Variants in UGT1A8 observed in about 807,000 individuals in gnomAD.
UGT1A8 encodes the protein UDP-glucuronosyltransferase 1A8.
A neutral mutation model predicts 45.3 loss-of-function variants in UGT1A8; 39 were observed. That is an observed-to-expected ratio of 0.86 (90% CI 0.67 to 1.12). The LOEUF (loss-of-function observed/expected upper bound fraction) is 1.12. UGT1A8 is among the 50% of genes most tolerant of loss of function. The pLI is 0.00. For synonymous variants in UGT1A8, 275 were observed against 249.2 expected (o/e 1.10, Z -0.97); for missense variants, 719 against 664.9 (o/e 1.08, Z -0.90).
chr2:233,772,478 T>C lies in UGT1A8; in HGVS notation c.1512T>C (p.Phe504=). ...AVVLTVAFIT[F]KCCAYGYRKC... Reference sequence around the variant, plus strand: ...TGCTGACAGTGGCCTTCATCACCTTTAAATGTTGTGCTTATGGCTACCGGA... The same window carrying C: ...TGCTGACAGTGGCCTTCATCACCTTCAAATGTTGTGCTTATGGCTACCGGA... The change falls in exon 5 of 5, where the codon TTT becomes TTC. Residue 504 remains phenylalanine (F), a synonymous_variant. Transcript: ENST00000373450. 1 of 1,614,184 alleles carries C rather than the reference T, an allele frequency of 6.2e-7. No homozygotes were observed. Among genetic ancestry groups the C allele is most frequent in the South Asian group, 1.1e-5 (1 of 91,086 alleles).
At chr2:233,623,438 C>T (rs933739603) in intron 1 of UGT1A8, among the ~76,000 whole-genome samples, 11 of 152,142 alleles carry the variant, frequency 7.2e-5, no homozygotes, top group Non-Finnish European at 8.8e-5. Context: ...AAGAGGTCTT[C>T]GCATCCTTTG....
chr2:233,672,116 A>T, intron 1 of UGT1A8: 4 of 1,614,192 alleles, frequency 2.5e-6, no homozygotes, highest in Non-Finnish European at 3.4e-6. Context: ...GTCATGCCAG[A>T]GGTGAGTTGG....
intron 1 of UGT1A8, among the ~76,000 whole-genome samples, chr2:233,715,670 G>A (rs1428393419): frequency 6.6e-6 from 1 of 152,106 alleles, no homozygotes; most frequent in Non-Finnish European, 1.5e-5. Flanking sequence ...TACTCGGGAG[G>A]CTGAGGCAGG....
At chr2:233,680,013 C>CTCTCTCTCTCTTTTTTCTTTT (rs2074471108) in intron 1 of UGT1A8, among the ~76,000 whole-genome samples, 1 of 152,020 alleles carries the variant, frequency 6.6e-6, no homozygotes, top group Non-Finnish European at 1.5e-5. Flanking sequence ...TTCTTTCTTT[C>CTCTCTCTCTCTTTTTTCTTTT]TCTCTCTCTC....
chr2:233,671,129 A>T (rs1162405526), intron 1 of UGT1A8, among the ~76,000 whole-genome samples: 1 of 152,336 alleles, frequency 6.6e-6, no homozygotes, highest in East Asian at 1.9e-4. Flanking sequence ...ACTGAGAGAG[A>T]CAAGTACATA....
intron 1 of UGT1A8, among the ~76,000 whole-genome samples, chr2:233,749,634 C>A (rs1417032704): frequency 6.6e-6 from 1 of 151,820 alleles, no homozygotes; most frequent in East Asian, 1.9e-4. Context: ...GTATCCCCCA[C>A]CAAATCTCAT....
chr2:233,645,273 A>C lies in UGT1A8; in HGVS notation c.855+26711A>C, dbSNP rs187152667. Among the ~76,000 whole-genome samples, 339 of 152,274 alleles carry C rather than the reference A, an allele frequency of 2.2e-3. 1 individual carries two copies. The highest frequency in any genetic ancestry group is 7.7e-3 in the African/African-American group (318 of 41,534). Reference sequence around the variant, plus strand: ...AATTTTCCCACCAGGATCCTCCCACAACAGTGGGAATTGTGGGAGTTACAA... The same window carrying C: ...AATTTTCCCACCAGGATCCTCCCACCACAGTGGGAATTGTGGGAGTTACAA... On this transcript the variant is annotated intron_variant, in intron 1 of 4. Transcript: ENST00000373450.
In UGT1A8 at chr2:233,760,429, C is replaced by G. The variant is rs747942373; in HGVS notation, c.856-6605C>G. 87 of 1,614,090 alleles carry G rather than the reference C, an allele frequency of 5.4e-5. No homozygotes were observed. The highest frequency in any genetic ancestry group is 6.6e-5 in the Non-Finnish European group (78 of 1,180,040). On this transcript the variant is annotated intron_variant, in intron 1 of 4. Coordinates refer to ENST00000373450, the MANE Select transcript of UGT1A8 (RefSeq NM_019076.5). The stretch of plus-strand genomic sequence containing the variant: ...CTGGCTGAGCATGCTTGGGGCCATC[C>G]AGCAGCTGCAGCAGAGGGGACATGA...
Position 233,667,904 on chromosome 2 carries a change from A to G in UGT1A8, c.855+49342A>G, listed in dbSNP as rs1016360298. Among the ~76,000 whole-genome samples, 9 of 152,238 alleles carry G rather than the reference A, an allele frequency of 5.9e-5. No individual in the cohort carries two copies. The East Asian group carries it at 1.5e-3, about 26-fold the overall frequency. On this transcript the variant is annotated intron_variant, in intron 1 of 4. Transcript: ENST00000373450. ...ACAACAGGTGCTGTAGAGGATGTGG[A>G]GAAATAGGAACACTTTTACACTGTT...
intron 1 of UGT1A8, among the ~76,000 whole-genome samples, chr2:233,739,507 G>A (rs1269718044): frequency 2.0e-5 from 3 of 152,272 alleles, no homozygotes; most frequent in African/African-American, 7.2e-5. Flanking sequence ...TGATCTAGAT[G>A]TGAGACATGA....
chr2:233,734,278 T>A (rs2078507022), intron 1 of UGT1A8, among the ~76,000 whole-genome samples: 1 of 152,194 alleles, frequency 6.6e-6, no homozygotes, highest in Admixed American at 6.5e-5. Flanking sequence ...CAGGAATTTA[T>A]CCATTTCTTC....
chr2:233,647,833 C>A, intron 1 of UGT1A8: 1 of 1,060,418 alleles, frequency 9.4e-7, no homozygotes, highest in Non-Finnish European at 1.3e-6. Flanking sequence ...CAAAAGCTAG[C>A]TTTGGTGTCA....
At chr2:233,753,865 C>G (rs560460253) in intron 1 of UGT1A8, among the ~76,000 whole-genome samples, 1 of 152,212 alleles carries the variant, frequency 6.6e-6, no homozygotes. Context: ...CACATAACCC[C>G]AAGGTCTGTC....
intron 1 of UGT1A8, chr2:233,755,622 G>A (rs28900393): frequency 0.029 from 4,678 of 158,830 alleles, 229 homozygotes; most frequent in African/African-American, 0.11. Context: ...TCTTAAAGTA[G>A]GCTTTATATC....
chr2:233,733,606 A>G (rs921303944), intron 1 of UGT1A8, among the ~76,000 whole-genome samples: 5 of 152,192 alleles, frequency 3.3e-5, no homozygotes, highest in African/African-American at 1.2e-4. Context: ...GATGGATTAC[A>G]TTTATTGATT....
At chr2:233,705,982 A>G (rs535507693) in intron 1 of UGT1A8, among the ~76,000 whole-genome samples, 1 of 152,274 alleles carries the variant, frequency 6.6e-6, no homozygotes, top group African/African-American at 2.4e-5. Context: ...CCGGCTACTC[A>G]GGAGGCTGAG....
intron 1 of UGT1A8, chr2:233,760,638 A>C (rs752920136): frequency 6.2e-7 from 1 of 1,614,204 alleles, no homozygotes; most frequent in South Asian, 1.1e-5. Flanking sequence ...AGAAAATAAA[A>C]AAGGACTCTG....
intron 1 of UGT1A8, among the ~76,000 whole-genome samples, chr2:233,658,585 T>G (rs1358775856): frequency 6.6e-6 from 1 of 152,228 alleles, no homozygotes; most frequent in East Asian, 1.9e-4. Context: ...TCTGGTCGGA[T>G]GTTCTGTAGA....
chr2:233,625,697 C>G (rs1441522397), intron 1 of UGT1A8, among the ~76,000 whole-genome samples: 1 of 151,674 alleles, frequency 6.6e-6, no homozygotes, highest in Non-Finnish European at 1.5e-5. Context: ...GCACAGAACA[C>G]CAAATACCAT....
Sources: allele counts gnomAD v4.1 joint callset (sites outside exome capture counted in the v4.1 genomes callset), GRCh38; gene constraint gnomAD v4.1.1; transcripts MANE v1.5; gene names NCBI Gene and HGNC (gene_info 2026-07-23, HGNC 2026-07-21).